The following NAA11 variants were observed in gnomAD, a reference collection of about 807,000 sequenced individuals.
NAA11 encodes N-alpha-acetyltransferase 11.
Under a neutral mutation model 16.1 loss-of-function variants are expected in NAA11, and 15 were observed. That is an observed-to-expected ratio of 0.93 (90% confidence interval 0.62 to 1.44). NAA11 has a LOEUF of 1.44. Among genes scored for constraint, NAA11 ranks in the 40% most tolerant of loss-of-function variants. The pLI is 0.00. For synonymous variants in NAA11, 122 were observed against 112.4 expected (o/e 1.09, Z -0.54); for missense variants, 298 against 291.3 (o/e 1.02, Z -0.17).
At chr4:79,243,757 TG>T in intron 2 of NAA11, among the ~76,000 whole-genome samples, 1 of 151,792 alleles carries the variant, frequency 6.6e-6, no homozygotes, top group Non-Finnish European at 1.5e-5. Flanking sequence ...AGAGCAGGAG[TG>T]GAAGTTTATT....
the NAA11 span, among the ~76,000 whole-genome samples, chr4:79,159,987 ACTTT>A: frequency 3.5e-5 from 5 of 143,716 alleles, no homozygotes; most frequent in African/African-American, 1.3e-4. Context: ...AGTTGTTTCT[ACTTT>A]CTTTTTTTTT....
the NAA11 span, among the ~76,000 whole-genome samples, chr4:79,208,815 C>G: frequency 6.7e-6 from 1 of 149,292 alleles, no homozygotes; most frequent in African/African-American, 2.5e-5. Context: ...CCAGCTAAAA[C>G]TAATAATTTG....
At chr4:79,197,385 G>A in the NAA11 span, among the ~76,000 whole-genome samples, 1 of 151,924 alleles carries the variant, frequency 6.6e-6, no homozygotes, top group African/African-American at 2.4e-5. Flanking sequence ...TTATGCCTCA[G>A]TGTTTTCAGT....
chr4:79,173,616 C>A, the NAA11 span, among the ~76,000 whole-genome samples: 1 of 151,938 alleles, frequency 6.6e-6, no homozygotes, highest in East Asian at 1.9e-4. Flanking sequence ...GGGAAAACTT[C>A]ACAGAAAATG....
downstream of NAA11, among the ~76,000 whole-genome samples, chr4:79,314,959 TAAACTC>T (rs946788030): frequency 2.6e-5 from 4 of 152,132 alleles, no homozygotes; most frequent in African/African-American, 9.7e-5. Context: ...CATCAAGACA[TAAACTC>T]AAACAGGATT....
chr4:79,324,699 T>C (rs1020055836), intron 1 of NAA11, among the ~76,000 whole-genome samples: 1 of 152,238 alleles, frequency 6.6e-6, no homozygotes, highest in African/African-American at 2.4e-5. Context: ...GAAGACTGAC[T>C]ACACTGACTT....
At chr4:79,203,220 T>C in the NAA11 span, among the ~76,000 whole-genome samples, 5 of 151,736 alleles carry the variant, frequency 3.3e-5, no homozygotes, top group Non-Finnish European at 7.4e-5. Flanking sequence ...ATTTATTATC[T>C]TTGATCAAAT....
intron 1 of NAA11, among the ~76,000 whole-genome samples, chr4:79,320,387 TATTG>T (rs1293075367): frequency 6.6e-6 from 1 of 152,196 alleles, no homozygotes. Context: ...AGCTAAAATT[TATTG>T]ATTATTTTAC....
At chr4:79,219,733 T>C in the NAA11 span, among the ~76,000 whole-genome samples, 1 of 152,210 alleles carries the variant, frequency 6.6e-6, no homozygotes, top group Non-Finnish European at 1.5e-5. Flanking sequence ...TATATGTATA[T>C]ATACATTTTT....
At chr4:79,256,652 A>AATATATATATATATATATATATATT (rs1491290215) in intron 2 of NAA11, among the ~76,000 whole-genome samples, 422 of 27,248 alleles carry the variant, frequency 0.015, 8 homozygotes, top group African/African-American at 0.024. Context: ...ATAAATATAA[A>AATATATATATATATATATATATATT]TATATATATA....
chr4:79,157,548 T>G, the NAA11 span, among the ~76,000 whole-genome samples: 1 of 151,812 alleles, frequency 6.6e-6, no homozygotes, highest in East Asian at 1.9e-4. Flanking sequence ...TATATACACA[T>G]GTACACATAT....
At chr4:79,217,154 A>G in the NAA11 span, among the ~76,000 whole-genome samples, 14 of 152,166 alleles carry the variant, frequency 9.2e-5, no homozygotes, top group Admixed American at 9.2e-4. Flanking sequence ...CATCTTGCAT[A>G]TTGTGCTTCT....
chr4:79,176,255 G>C, the NAA11 span, among the ~76,000 whole-genome samples: 3 of 152,188 alleles, frequency 2.0e-5, no homozygotes, highest in African/African-American at 7.2e-5. Flanking sequence ...CTAAAAATCA[G>C]TTATAGAAGT....
At chr4:79,308,035 G>T (rs1723640721) in intron 1 of NAA11, among the ~76,000 whole-genome samples, 1 of 152,056 alleles carries the variant, frequency 6.6e-6, no homozygotes, top group South Asian at 2.1e-4. Flanking sequence ...ATTATTTTAT[G>T]AAGGGAAACT....
At chr4:79,179,009 T>C in the NAA11 span, among the ~76,000 whole-genome samples, 1 of 152,120 alleles carries the variant, frequency 6.6e-6, no homozygotes, top group African/African-American at 2.4e-5. Context: ...TTTGGACTTG[T>C]AGTGTCTGTA....
At chr4:79,291,310 A>C (rs1165568148) in intron 2 of NAA11, among the ~76,000 whole-genome samples, 2 of 152,052 alleles carry the variant, frequency 1.3e-5, no homozygotes, top group Non-Finnish European at 2.9e-5. Flanking sequence ...AAAAAACGAA[A>C]AAATCAGCTG....
At chr4:79,191,749 C>A in the NAA11 span, among the ~76,000 whole-genome samples, 107,780 of 152,030 alleles carry the variant, frequency 0.71, 40,505 homozygotes, top group East Asian at 0.89. Flanking sequence ...GTTATGAAAT[C>A]TTTGCCTGTT....
intron 2 of NAA11, among the ~76,000 whole-genome samples, chr4:79,289,971 G>C (rs1488967680): frequency 6.6e-6 from 1 of 152,032 alleles, no homozygotes; most frequent in Non-Finnish European, 1.5e-5. Context: ...TGGCTCTTTG[G>C]GGTAGAAAGC....
At chr4:79,264,073 T>C (rs1722293545) in intron 2 of NAA11, among the ~76,000 whole-genome samples, 2 of 152,162 alleles carry the variant, frequency 1.3e-5, no homozygotes, top group Admixed American at 6.6e-5. Context: ...TAACTTTGCA[T>C]GTATTGTCTC....
Sources: allele counts gnomAD v4.1 joint callset (sites outside exome capture counted in the v4.1 genomes callset), GRCh38; gene constraint gnomAD v4.1.1; transcripts MANE v1.5; gene names NCBI Gene and HGNC (gene_info 2026-07-23, HGNC 2026-07-21).